Variants in DNAH3 observed in about 807,000 individuals in gnomAD.
DNAH3 encodes the protein dynein axonemal heavy chain 3.
DNAH3 carries 332 observed loss-of-function variants against 432.5 expected under a neutral mutation model. The ratio of observed to expected loss-of-function variants is 0.77; its 90% CI spans 0.70 to 0.84. The LOEUF is 0.84. Among genes scored for constraint, DNAH3 ranks in the 40% least tolerant of loss-of-function variants. DNAH3 has a pLI of 0.00. For synonymous variants in DNAH3, 1,956 were observed against 1,900.2 expected, an observed-to-expected ratio of 1.03 and a Z score of -0.76; for missense variants, 4,861 against 5,114.0, an observed-to-expected ratio of 0.95 and a Z score of 1.51.
At chr16:21,013,837 T>G (rs1169773692) in intron 41 of DNAH3, among the ~76,000 whole-genome samples, 1 of 149,930 alleles carries the variant, frequency 6.7e-6, no homozygotes, top group African/African-American at 2.5e-5. Flanking sequence ...ATTTGATAAA[T>G]AAAATAGACC....
At chr16:21,005,270 CTT>C (rs576932842) in intron 41 of DNAH3, among the ~76,000 whole-genome samples, 2 of 143,720 alleles carry the variant, frequency 1.4e-5, no homozygotes, top group Non-Finnish European at 3.0e-5. Flanking sequence ...TCCCTCCCTT[CTT>C]TCTTTCTTTC....
At chr16:21,111,673 G>A (rs754600957) in exon 14 of DNAH3, 19 of 1,613,848 alleles carry the variant, frequency 1.2e-5, no homozygotes, top group East Asian at 8.9e-5. Flanking sequence ...GAATCAGATG[G>A]TCTTTAAGAT....
chr16:20,966,716 T>C (rs1036350764), intron 52 of DNAH3, among the ~76,000 whole-genome samples: 6 of 152,134 alleles, frequency 3.9e-5, no homozygotes, highest in Admixed American at 3.3e-4. Flanking sequence ...CCACAGCCCG[T>C]GGGGATGAGT....
At chr16:21,152,919 C>T (rs766099934) in intron 1 of DNAH3, among the ~76,000 whole-genome samples, 2 of 152,322 alleles carry the variant, frequency 1.3e-5, no homozygotes, top group East Asian at 3.9e-4. Flanking sequence ...GCCTCCCCGA[C>T]GAGCGCCACC....
chr16:20,994,642 C>T (rs963819426), intron 44 of DNAH3, among the ~76,000 whole-genome samples: 3 of 152,160 alleles, frequency 2.0e-5, no homozygotes, highest in African/African-American at 7.2e-5. Flanking sequence ...AACATTCACT[C>T]CTCAATCTCC....
intron 41 of DNAH3, among the ~76,000 whole-genome samples, chr16:21,007,049 G>C (rs990073842): frequency 5.3e-5 from 8 of 152,096 alleles, no homozygotes; most frequent in Admixed American, 1.3e-4. Context: ...TGAGAGTTCT[G>C]ATCTTCCTGC....
intron 23 of DNAH3, among the ~76,000 whole-genome samples, chr16:21,068,333 G>GGGGGGC (rs2090651731): frequency 7.7e-6 from 1 of 129,562 alleles, no homozygotes; most frequent in Non-Finnish European, 1.6e-5. Context: ...GGTGGGGGGG[G>GGGGGGC]GGACAGAGTC....
chr16:20,965,170 C>G, exon 53 of DNAH3: 1 of 1,614,072 alleles, frequency 6.2e-7, no homozygotes, highest in African/African-American at 1.3e-5. Flanking sequence ...CAGTCGCTCC[C>G]GTTTGGGAGC....
chr16:21,105,214 C>T (rs566796907), intron 15 of DNAH3, among the ~76,000 whole-genome samples: 1 of 152,276 alleles, frequency 6.6e-6, no homozygotes, highest in South Asian at 2.1e-4. Context: ...TTTTCACTCC[C>T]AGTCCCCATC....
rs144218075 is a variant in DNAH3 at position 20,949,454 on chromosome 16, CTGT to C, written c.11189-820_11189-818del. Among the ~76,000 whole-genome samples, 807 of 152,012 alleles carry C rather than the reference CTGT, an allele frequency of 5.3e-3. 7 individuals carry two copies. The highest frequency in any genetic ancestry group is 0.018 in the African/African-American group (751 of 41,448). Reference sequence around the variant, plus strand: ...ATATTGTAATTGTTCTATTTTATTACTGTTGTTGTTAATCTCTCGCTGTGCCTA... The same window carrying C: ...ATATTGTAATTGTTCTATTTTATTACTGTTGTTAATCTCTCGCTGTGCCTA... On this transcript the variant is annotated intron_variant, in intron 56 of 61. Transcript: ENST00000261383.
At chr16:20,997,835 TAAAAA>T (rs765854199) in intron 43 of DNAH3, among the ~76,000 whole-genome samples, 1 of 74,554 alleles carries the variant, frequency 1.3e-5, no homozygotes, top group African/African-American at 4.4e-5. Context: ...CCTGTCTCCA[TAAAAA>T]AAAAAAAAAA....
intron 60 of DNAH3, among the ~76,000 whole-genome samples, chr16:20,936,221 C>T (rs905395960): frequency 2.0e-5 from 3 of 151,760 alleles, no homozygotes; most frequent in Non-Finnish European, 4.4e-5. Flanking sequence ...GGCGTGATCT[C>T]GGCTCACTGC....
chr16:20,971,901 A>G (rs2085358878), intron 51 of DNAH3, among the ~76,000 whole-genome samples: 1 of 152,224 alleles, frequency 6.6e-6, no homozygotes, highest in African/African-American at 2.4e-5. Context: ...CAGGCTACAA[A>G]TGTTACATGT....
chr16:21,111,783 G>T (rs145987803), exon 14 of DNAH3: 3 of 1,613,532 alleles, frequency 1.9e-6, no homozygotes, highest in South Asian at 1.1e-5. Flanking sequence ...TCATTTCTCC[G>T]TTTCTTTATG....
chr16:21,145,711 A>G (rs2092774691), intron 2 of DNAH3, among the ~76,000 whole-genome samples: 1 of 152,238 alleles, frequency 6.6e-6, no homozygotes, highest in African/African-American at 2.4e-5. Flanking sequence ...CCCTCATTTT[A>G]CAATGAAACA....
At chr16:21,077,534 C>G (rs923638490) in intron 20 of DNAH3, among the ~76,000 whole-genome samples, 3 of 152,096 alleles carry the variant, frequency 2.0e-5, no homozygotes, top group African/African-American at 7.2e-5. Flanking sequence ...TACTTCCCAT[C>G]CCTTCCCTTT....
At chr16:21,064,979 T>C (rs2090494115) in intron 24 of DNAH3, among the ~76,000 whole-genome samples, 1 of 152,032 alleles carries the variant, frequency 6.6e-6, no homozygotes, top group Admixed American at 6.6e-5. Flanking sequence ...GTATCAATTC[T>C]AGCTTGATCA....
intron 5 of DNAH3, among the ~76,000 whole-genome samples, chr16:21,138,978 A>C (rs1313910923): frequency 1.3e-5 from 2 of 152,182 alleles, no homozygotes; most frequent in East Asian, 3.8e-4. Context: ...AAGTGGGGTC[A>C]AGTAGCTATA....
chr16:21,020,544 A>G (rs1000720707), intron 40 of DNAH3, among the ~76,000 whole-genome samples: 14 of 148,576 alleles, frequency 9.4e-5, no homozygotes, highest in Non-Finnish European at 1.9e-4. Flanking sequence ...CTGGGATTAC[A>G]GGCACCCGCC....
Sources: gnomAD v4.1 joint callset for allele counts (sites outside exome capture counted in the v4.1 genomes callset) on GRCh38, gnomAD v4.1.1 for gene constraint, MANE v1.5 for transcripts, NCBI Gene and HGNC (gene_info 2026-07-23, HGNC 2026-07-21) for gene names.